The following RNF217 variants were observed in gnomAD, a reference collection of about 807,000 sequenced individuals.
RNF217 encodes the protein ring finger protein 217.
A neutral mutation model predicts 57.8 loss-of-function variants in RNF217; 31 were observed. The observed-to-expected ratio is 0.54, with a 90% CI of 0.40 to 0.72. The LOEUF (loss-of-function observed/expected upper bound fraction) is 0.72. Ranked by LOEUF, RNF217 falls within the 30% of genes least tolerant of loss-of-function variation. The pLI is 0.00. For missense variants in RNF217, 696 were observed against 708.3 expected, an observed-to-expected ratio of 0.98 and a Z score of 0.20; for synonymous variants, 313 against 294.0, an observed-to-expected ratio of 1.06 and a Z score of -0.66.
chr6:125,051,598 A>G (rs1396068872), intron 2 of RNF217, among the ~76,000 whole-genome samples: 1 of 152,060 alleles, frequency 6.6e-6, no homozygotes, highest in Admixed American at 6.6e-5. Flanking sequence ...ACTTGTTAAT[A>G]GAATCATTCC....
chr6:125,013,788 T>C (rs558384700), intron 1 of RNF217, among the ~76,000 whole-genome samples: 2 of 152,306 alleles, frequency 1.3e-5, no homozygotes, highest in African/African-American at 2.4e-5. Flanking sequence ...ATTTTTAGTC[T>C]AGCAGATCTA....
intron 1 of RNF217, among the ~76,000 whole-genome samples, chr6:124,988,879 T>A (rs549202975): frequency 9.3e-4 from 142 of 152,330 alleles, no homozygotes; most frequent in Middle Eastern, 3.4e-3. Context: ...TATCTGTATG[T>A]CAGTTGACAT....
intron 3 of RNF217, among the ~76,000 whole-genome samples, chr6:125,061,669 G>GT (rs1300456320): frequency 1.0e-4 from 15 of 150,278 alleles, no homozygotes; most frequent in South Asian, 2.1e-4. Context: ...GTATTGTTTA[G>GT]TTTTTTTATT....
rs529617479 is a variant in RNF217 at position 124,976,775 on chromosome 6, G to A, written c.882+13349G>A. 3.3e-4 allele frequency among the ~76,000 whole-genome samples: 51 copies of A among 152,328 alleles called. No individual in the cohort carries two copies. In the South Asian group the frequency reaches 6.2e-3, roughly 19 times the overall value. ...CTGCCTGGGCCTCCCAAAGTGCTGG[G>A]ATTACAGGTGTGAGCCAATGTATCT... On this transcript the variant is annotated intron_variant, in intron 1 of 5. Transcript: ENST00000521654.
At chr6:125,073,056 C>T (rs1788210352) in intron 3 of RNF217, among the ~76,000 whole-genome samples, 1 of 152,166 alleles carries the variant, frequency 6.6e-6, no homozygotes, top group East Asian at 1.9e-4. Flanking sequence ...CACGACACTG[C>T]TATCAGTGTC....
Position 124,963,120 on chromosome 6 carries a change from G to A in RNF217, c.576G>A (p.Pro192=). ...CGCCCGCGTCGCCACCTGGGGCTCC[G>A]CCAGTGTTGAACCCTCCCAGCACCC... ...LSPPASPPGA[P]PVLNPPSTRS... is the part of the protein sequence containing the mutation. The change falls in exon 1 of 6, where the codon CCG becomes CCA. Residue 192 remains proline (P), a synonymous_variant. Transcript: ENST00000521654. 1 of 1,535,958 alleles carries A rather than the reference G, an allele frequency of 6.5e-7. No homozygotes were observed. The highest frequency in any genetic ancestry group is 8.7e-7 in the Non-Finnish European group (1 of 1,147,126).
At chr6:124,971,925 C>G (rs1352162448) in intron 1 of RNF217, among the ~76,000 whole-genome samples, 1 of 152,162 alleles carries the variant, frequency 6.6e-6, no homozygotes, top group Non-Finnish European at 1.5e-5. Context: ...GTGGGGCCAT[C>G]TTACCCACTC....
intron 4 of RNF217, among the ~76,000 whole-genome samples, chr6:125,080,174 C>G (rs67041668): frequency 0.055 from 8,325 of 152,064 alleles, 320 homozygotes; most frequent in Non-Finnish European, 0.083. Context: ...CTTATATATT[C>G]TAAACTCTTA....
intron 3 of RNF217, among the ~76,000 whole-genome samples, chr6:125,065,741 CT>C (rs1787909999): frequency 6.6e-6 from 1 of 152,108 alleles, no homozygotes; most frequent in African/African-American, 2.4e-5. Flanking sequence ...ATTTTCATTT[CT>C]TTTCAGGTTT....
At chr6:125,009,339 C>G in intron 1 of RNF217, 2 of 1,137,412 alleles carry the variant, frequency 1.8e-6, no homozygotes, top group Non-Finnish European at 2.7e-6. Context: ...CCCTTGTAAT[C>G]TCTTCAAAAC....
intron 1 of RNF217, among the ~76,000 whole-genome samples, chr6:124,966,470 G>A (rs550610701): frequency 4.5e-4 from 68 of 152,142 alleles, no homozygotes; most frequent in Non-Finnish European, 8.2e-4. Context: ...TTTGACAGAA[G>A]CAAATGTGTC....
In RNF217 at chr6:125,087,195, C is replaced by T. The variant is rs1309826323; in HGVS notation, c.*4258C>T. ...CCTTGTTAAATGAAATTGTTTTTAA[C>T]ATTACACTTTTATACTGGCTGTTAC... is the stretch of plus-strand genomic sequence containing the variant. On this transcript the variant is annotated 3_prime_UTR_variant, in exon 6 of 6. Transcript: ENST00000521654. The T allele has an allele frequency of 6.6e-6, 1 of 152,138 alleles. No homozygotes were observed. The highest frequency in any genetic ancestry group is 2.4e-5 in the African/African-American group (1 of 41,446). 9.4% of individuals were successfully genotyped at this position (152,138 alleles called of 1,614,324 possible).
chr6:125,091,609 T>A lies in RNF217; in HGVS notation c.*8672T>A, dbSNP rs1031401922. On this transcript the variant is annotated 3_prime_UTR_variant, in exon 6 of 6. Transcript: ENST00000521654. Reference sequence around the variant, plus strand: ...AATTGTACTTTAAAACCATAAAAAATGCTAATTAAGTTTAGAACAGGAGTT... The same window carrying A: ...AATTGTACTTTAAAACCATAAAAAAAGCTAATTAAGTTTAGAACAGGAGTT... 1 of 152,084 alleles carries A rather than the reference T, an allele frequency of 6.6e-6. No individual in the cohort carries two copies. The highest frequency in any genetic ancestry group is 1.5e-5 in the Non-Finnish European group (1 of 67,988). 9.4% of individuals were successfully genotyped at this position (152,084 alleles called of 1,614,324 possible).
intron 2 of RNF217, among the ~76,000 whole-genome samples, 184 bp downstream of exon 2, chr6:125,045,628 A>T (rs922596196): frequency 2.9e-4 from 44 of 152,218 alleles, no homozygotes; most frequent in African/African-American, 1.1e-3. Context: ...GCTCTTAAGG[A>T]ATTAATTACA....
rs1268028941 is a variant in RNF217, at chr6:125,087,872, A to G, written c.*4935A>G. 3.9e-5 allele frequency: 6 copies of G among 152,050 alleles called. No individual in the cohort carries two copies. Among genetic ancestry groups the G allele is most frequent in the African/African-American group, 1.4e-4 (6 of 41,402 alleles). The allele number at this position is 152,050 out of a possible 1,614,324, so 9.4% of individuals were successfully genotyped here. On this transcript the variant is annotated 3_prime_UTR_variant, in exon 6 of 6. Transcript: ENST00000521654. ...ATTTCATAATTCATGAATTCTATAAAAGAAATCTCCCTCACTAAAAATATG... is the reference window on the plus strand; with the variant it reads ...ATTTCATAATTCATGAATTCTATAAGAGAAATCTCCCTCACTAAAAATATG...
intron 1 of RNF217, among the ~76,000 whole-genome samples, chr6:124,992,507 A>T (rs1784596307): frequency 6.6e-6 from 1 of 151,858 alleles, no homozygotes; most frequent in Non-Finnish European, 1.5e-5. Flanking sequence ...TTCTGCTAAC[A>T]TCTATAGCAA....
intron 1 of RNF217, among the ~76,000 whole-genome samples, chr6:124,995,235 A>C (rs1784706271): frequency 6.6e-6 from 1 of 152,182 alleles, no homozygotes; most frequent in Non-Finnish European, 1.5e-5. Flanking sequence ...AGAATATAAC[A>C]CATGGTTATA....
intron 4 of RNF217, among the ~76,000 whole-genome samples, chr6:125,080,452 T>G (rs1166088153): frequency 1.3e-5 from 2 of 152,254 alleles, no homozygotes; most frequent in East Asian, 3.9e-4. Flanking sequence ...TTAGTGTAAT[T>G]GATTATTCTA....
chr6:125,011,836 A>T (rs1438951652), intron 1 of RNF217, among the ~76,000 whole-genome samples: 1 of 151,344 alleles, frequency 6.6e-6, no homozygotes, highest in Non-Finnish European at 1.5e-5. Context: ...ATCAGCTGTG[A>T]TGTTCAAAGA....
Sources: allele counts gnomAD v4.1 joint callset (sites outside exome capture counted in the v4.1 genomes callset), GRCh38; gene constraint gnomAD v4.1.1; transcripts MANE v1.5; gene names NCBI Gene and HGNC (gene_info 2026-07-23, HGNC 2026-07-21).